The following PTPRD variants were observed in gnomAD, a reference collection of about 807,000 sequenced individuals.
The protein encoded by PTPRD is receptor-type tyrosine-protein phosphatase delta.
In PTPRD, 34 loss-of-function variants were observed where a neutral mutation model predicts 214.5. The ratio of observed to expected loss-of-function variants is 0.16; its 90% CI spans 0.12 to 0.21. The LOEUF (loss-of-function observed/expected upper bound fraction) is 0.21, where lower values mean the gene tolerates loss of function less well. PTPRD is among the 10% of genes least tolerant of loss of function. The probability of loss-of-function intolerance (pLI) is 1.00; values close to 1 mark genes in which losing one functional copy is unlikely to be tolerated. For synonymous variants in PTPRD, 1,128 were observed against 845.7 expected (o/e 1.33, Z -5.79); for missense variants, 2,545 against 2,398.7 (o/e 1.06, Z -1.27).
chr9:9,202,113 G>C (rs1378191925), intron 9 of PTPRD, among the ~76,000 whole-genome samples: 1 of 152,202 alleles, frequency 6.6e-6, no homozygotes, highest in Non-Finnish European at 1.5e-5. Context: ...GTGTTGGGTA[G>C]CACACACAGA....
intron 11 of PTPRD, among the ~76,000 whole-genome samples, chr9:9,006,158 A>G (rs1327679673): frequency 2.0e-5 from 3 of 152,124 alleles, no homozygotes; most frequent in African/African-American, 4.8e-5. Flanking sequence ...TCTGAAGCAC[A>G]TGAATTTAGC....
At chr9:9,434,697 G>T (rs1306473336) in intron 8 of PTPRD, among the ~76,000 whole-genome samples, 1 of 151,820 alleles carries the variant, frequency 6.6e-6, no homozygotes, top group East Asian at 1.9e-4. Context: ...ACACAACAGA[G>T]AACCCAGAAA....
rs527243691 is a variant in PTPRD at position 8,966,485 on chromosome 9, A to T, written c.-104+52212T>A. Reference sequence around the variant, plus strand: ...CCTACATCCATCTGATATTCGACAAAGTTATCAAAAATAACCAGTGGGGAA... The same window carrying T: ...CCTACATCCATCTGATATTCGACAATGTTATCAAAAATAACCAGTGGGGAA... On this transcript the variant is annotated intron_variant, in intron 11 of 45. Transcript: ENST00000381196. 2.0e-5 allele frequency among the ~76,000 whole-genome samples: 3 copies of T among 152,134 alleles called. No individual in the cohort carries two copies. In the South Asian group the frequency reaches 6.2e-4, roughly 32 times the overall value.
chr9:10,304,431 G>T (rs1021995084), intron 3 of PTPRD, among the ~76,000 whole-genome samples: 8 of 152,114 alleles, frequency 5.3e-5, no homozygotes, highest in African/African-American at 1.7e-4. Context: ...GCAGGAGAAA[G>T]AAATAAACAG....
chr9:9,895,504 C>T (rs1006654464), intron 5 of PTPRD, among the ~76,000 whole-genome samples: 13 of 151,890 alleles, frequency 8.6e-5, no homozygotes, highest in African/African-American at 2.9e-4. Flanking sequence ...TTCAAATTGA[C>T]ATATCAACTG....
chr9:9,390,602 T>G (rs79634310), intron 9 of PTPRD, among the ~76,000 whole-genome samples: 1 of 152,188 alleles, frequency 6.6e-6, no homozygotes, highest in African/African-American at 2.4e-5. Flanking sequence ...TTAGGACAGG[T>G]AAAAGAGGTA....
intron 9 of PTPRD, among the ~76,000 whole-genome samples, chr9:9,184,654 A>G (rs2099930265): frequency 6.6e-6 from 1 of 152,044 alleles, no homozygotes; most frequent in Non-Finnish European, 1.5e-5. Context: ...TATAGCACTT[A>G]GCCTGTTTGG....
At chr9:8,945,714 T>G (rs1445877705) in intron 11 of PTPRD, among the ~76,000 whole-genome samples, 2 of 152,138 alleles carry the variant, frequency 1.3e-5, no homozygotes, top group East Asian at 3.9e-4. Context: ...CACAATTCCA[T>G]CTACACTAGC....
intron 9 of PTPRD, among the ~76,000 whole-genome samples, chr9:9,237,232 T>C (rs2099967394): frequency 6.6e-6 from 1 of 152,148 alleles, no homozygotes; most frequent in South Asian, 2.1e-4. Context: ...AGCCCCTCAA[T>C]AGCATTCAGG....
intron 11 of PTPRD, among the ~76,000 whole-genome samples, chr9:8,953,054 A>G (rs1483782436): frequency 6.6e-6 from 1 of 151,866 alleles, no homozygotes; most frequent in African/African-American, 2.4e-5. Flanking sequence ...AAAGCAACGA[A>G]TTATATTTTA....
intron 14 of PTPRD, among the ~76,000 whole-genome samples, chr9:8,616,288 G>C (rs1564740277): frequency 6.6e-6 from 1 of 152,130 alleles, no homozygotes; most frequent in South Asian, 2.1e-4. Context: ...ATGTCGAGAT[G>C]TCAGGAGACT....
intron 11 of PTPRD, among the ~76,000 whole-genome samples, chr9:8,847,397 C>G (rs1018767988): frequency 6.6e-6 from 1 of 151,980 alleles, no homozygotes; most frequent in South Asian, 2.1e-4. Context: ...AAAAAGTACA[C>G]CCTGCTTCAT....
At position 10,400,374 on chromosome 9, in the gene PTPRD, T is replaced by A. The variant is rs1450415009; in HGVS notation, c.-599-59357A>T. 4.0e-5 allele frequency among the ~76,000 whole-genome samples: 6 copies of A among 151,818 alleles called. No individual in the cohort carries two copies. In the Admixed American group the frequency reaches 4.0e-4, roughly 10 times the overall value. On this transcript the variant is annotated intron_variant, in intron 2 of 45. Transcript: ENST00000381196. ...CTCTAGTCAAGACAAGTACTTTAAA[T>A]TTTAAAATAAATACATTTTTTCATG...
At chr9:9,706,989 ATAAGT>A (rs1478233106) in intron 7 of PTPRD, among the ~76,000 whole-genome samples, 3 of 152,200 alleles carry the variant, frequency 2.0e-5, no homozygotes, top group African/African-American at 4.8e-5. Flanking sequence ...ATAAAATAGA[ATAAGT>A]TAAAAGTATA....
At chr9:10,022,676 A>T (rs2154120169) in intron 4 of PTPRD, among the ~76,000 whole-genome samples, 1 of 152,300 alleles carries the variant, frequency 6.6e-6, no homozygotes, top group African/African-American at 2.4e-5. Context: ...TCATTAAATT[A>T]ATTTATTGTG....
intron 11 of PTPRD, among the ~76,000 whole-genome samples, chr9:8,809,920 A>G (rs1418229929): frequency 2.6e-5 from 4 of 152,204 alleles, no homozygotes; most frequent in African/African-American, 7.2e-5. Context: ...AACAGATGTC[A>G]TAAGAGATAA....
At chr9:10,025,401 G>A (rs2096904823) in intron 4 of PTPRD, among the ~76,000 whole-genome samples, 1 of 152,100 alleles carries the variant, frequency 6.6e-6, no homozygotes. Context: ...AAGAAATTTA[G>A]AAATTTTATG....
At chr9:9,892,318 T>TC (rs1346391377) in intron 5 of PTPRD, among the ~76,000 whole-genome samples, 4 of 152,134 alleles carry the variant, frequency 2.6e-5, no homozygotes, top group Admixed American at 2.0e-4. Context: ...GAAGGAACAG[T>TC]CCCCGCTGGC....
Position 8,539,576 on chromosome 9 carries a change from G to A in PTPRD, c.353-10797C>T, listed in dbSNP as rs924589799. Among the ~76,000 whole-genome samples the A allele has an allele frequency of 2.6e-5, 4 of 151,978 alleles. No individual in the cohort carries two copies. In the South Asian group the frequency reaches 6.2e-4, roughly 24 times the overall value. ...GGAGAAGGCTTACAGAAACAACCTT[G>A]ATTAAAAAATCAAAGTTAATAACAC... On this transcript the variant is annotated intron_variant, in intron 14 of 45. Coordinates refer to ENST00000381196, the MANE Select transcript of PTPRD (RefSeq NM_002839.4).
Sources: allele counts gnomAD v4.1 joint callset (sites outside exome capture counted in the v4.1 genomes callset), GRCh38; gene constraint gnomAD v4.1.1; transcripts MANE v1.5; gene names NCBI Gene and HGNC (gene_info 2026-07-23, HGNC 2026-07-21).